Variants in DENND11 observed in about 807,000 individuals in gnomAD.
DENND11 encodes DENN domain-containing protein 11.
Under a neutral mutation model 49.2 loss-of-function variants are expected in DENND11, and 34 were observed. The ratio of observed to expected loss-of-function variants is 0.69; its 90% CI spans 0.53 to 0.92. The LOEUF is 0.92. Among genes scored for constraint, DENND11 ranks in the 40% least tolerant of loss-of-function variants. The probability of loss-of-function intolerance (pLI) is 0.00; values close to 1 mark genes in which losing one functional copy is unlikely to be tolerated. For missense variants in DENND11, 475 were observed against 581.6 expected (o/e 0.82, Z 1.88); for synonymous variants, 238 against 230.3 (o/e 1.03, Z -0.30).
rs1396241459 is a variant in DENND11 at position 141,658,151 on chromosome 7, TTTCC to T, written c.*4501_*4504del. Reference sequence around the variant, plus strand: ...TTCTTCTAGAATAATAGTTTTAAAATTTCCTTCCATTTCAGTATATGCATACTCA... The same window carrying T: ...TTCTTCTAGAATAATAGTTTTAAAATTTCCATTTCAGTATATGCATACTCA... On this transcript the variant is annotated 3_prime_UTR_variant, in exon 9 of 9. Transcript: ENST00000536163. The T allele has an allele frequency of 1.3e-5, 2 of 152,208 alleles. No homozygotes were observed. Among genetic ancestry groups the T allele is most frequent in the African/African-American group, 4.8e-5 (2 of 41,450 alleles). The allele number at this position is 152,208 out of a possible 1,614,324, so 9.4% of individuals were successfully genotyped here.
At chr7:141,673,553 CAG>C (rs949485412) in intron 4 of DENND11, among the ~76,000 whole-genome samples, 1 of 152,164 alleles carries the variant, frequency 6.6e-6, no homozygotes, top group African/African-American at 2.4e-5. Flanking sequence ...CCACAGGAGA[CAG>C]AGAGGGAAGA....
rs62641749 is a variant in DENND11 at position 141,665,041 on chromosome 7, C to A, written c.966G>T (p.Lys322Asn). ...EVSYVACTTE[K>N]IFEEKRELYD... Reference sequence around the variant, plus strand: ...ACAGCTCCCGCTTCTCCTCGAATATCTTCTCTGTGGTGCCTGTGGAACCCG... The same window carrying A: ...ACAGCTCCCGCTTCTCCTCGAATATATTCTCTGTGGTGCCTGTGGAACCCG... Residue 322 changes from lysine (K) to asparagine (N), a missense_variant, in exon 7 of 9, where the codon AAG becomes AAT. Transcript: ENST00000536163. 3,021 of 1,613,882 alleles carry A rather than the reference C, an allele frequency of 1.9e-3. 4 individuals are homozygous for A. The highest frequency in any genetic ancestry group is 2.5e-3 in the Non-Finnish European group (2,891 of 1,179,798).
At position 141,661,209 on chromosome 7, in the gene DENND11, G is replaced by A. The variant is rs751502607; in HGVS notation, c.*1447C>T. On this transcript the variant is annotated 3_prime_UTR_variant, in exon 9 of 9. Transcript: ENST00000536163. ...TGCACTGACGGCTATTCCCATAACC[G>A]AGCCAGGCGGGAAGGGGGAAAAGGA... 1.3e-5 allele frequency: 2 copies of A among 152,110 alleles called. No homozygotes were observed. Among genetic ancestry groups the A allele is most frequent in the Non-Finnish European group, 2.9e-5 (2 of 68,030 alleles). The allele number at this position is 152,110 out of a possible 1,614,324, so 9.4% of individuals were successfully genotyped here. A position where few individuals can be genotyped will look rare whatever the true frequency, so the allele number is the denominator to read the frequency against.
chr7:141,673,243 TA>T (rs1204503926), intron 4 of DENND11, among the ~76,000 whole-genome samples: 120 of 137,130 alleles, frequency 8.8e-4, no homozygotes, highest in South Asian at 3.1e-3. Flanking sequence ...AAACAAGGAA[TA>T]AAAAAAAAAA....
chr7:141,683,612 C>T (rs1288589563), intron 3 of DENND11, among the ~76,000 whole-genome samples: 1 of 152,208 alleles, frequency 6.6e-6, no homozygotes, highest in Non-Finnish European at 1.5e-5. Context: ...CACTGCCCTC[C>T]AGCCTGGGCG....
rs189124267 is a variant in DENND11, at chr7:141,690,068, T to C, written c.269-3410A>G. Among the ~76,000 whole-genome samples the C allele has an allele frequency of 1.1e-4, 17 of 152,344 alleles. No homozygotes were observed. In the East Asian group the frequency reaches 3.3e-3, roughly 29 times the overall value. ...TTCTCAGAATTCCCTTCTTTGTATGTTTCCAGCTGAGATTTGGAAGTGAAT... is the reference window on the plus strand; with the variant it reads ...TTCTCAGAATTCCCTTCTTTGTATGCTTCCAGCTGAGATTTGGAAGTGAAT... On this transcript the variant is annotated intron_variant, in intron 1 of 8. Transcript: ENST00000536163.
chr7:141,685,404 C>T, intron 3 of DENND11, 74 bp downstream of exon 3: 1 of 1,549,050 alleles, frequency 6.5e-7, no homozygotes, highest in Admixed American at 1.7e-5. Context: ...CAAATGCTGT[C>T]TCCGAGGGCT....
Position 141,656,913 on chromosome 7 carries a change from T to C in DENND11, c.*5743A>G, listed in dbSNP as rs920326155. ...AGCTTCAGGATTAACCCCAGCTTTCTTTAGGCCTTAAAATTACCACCACTG... is the reference window on the plus strand; with the variant it reads ...AGCTTCAGGATTAACCCCAGCTTTCCTTAGGCCTTAAAATTACCACCACTG... On this transcript the variant is annotated 3_prime_UTR_variant, in exon 9 of 9. Transcript: ENST00000536163. 1 of 153,066 alleles carries C rather than the reference T, an allele frequency of 6.5e-6. No homozygotes were observed. Among genetic ancestry groups the C allele is most frequent in the African/African-American group, 2.4e-5 (1 of 41,452 alleles). The allele number at this position is 153,066 out of a possible 1,614,324, so 9.5% of individuals were successfully genotyped here. A position where few individuals can be genotyped will look rare whatever the true frequency, so the allele number is the denominator to read the frequency against.
rs1797891434 is a variant in DENND11, at chr7:141,666,214, CA to C, written c.820+72del. On this transcript the variant is annotated intron_variant, in intron 5 of 8. Transcript: ENST00000536163. ...TGGCCCAAGCTCTTCCAAACTTGGT[CA>C]GTGACAGAAAGACTCAAGCAGTTTC... The C allele has an allele frequency of 1.8e-5, 27 of 1,472,662 alleles. No individual in the cohort carries two copies. The East Asian group carries it at 6.4e-4, about 35-fold the overall frequency. The allele number at this position is 1,472,662 out of a possible 1,614,324, so 91.2% of individuals were successfully genotyped here.
At position 141,674,169 on chromosome 7, in the gene DENND11, C is replaced by A; in HGVS notation, c.579G>T (p.Glu193Asp). 1 of 1,561,562 alleles carries A rather than the reference C, an allele frequency of 6.4e-7. No individual in the cohort carries two copies. The highest frequency in any genetic ancestry group is 1.4e-5 in the African/African-American group (1 of 73,268). Residue 193 changes from glutamate to aspartate, a missense_variant, in exon 4 of 9, where the codon GAG becomes GAT. Coordinates refer to ENST00000536163, the MANE Select transcript of DENND11 (RefSeq NM_001080392.2). The stretch of plus-strand genomic sequence containing the variant: ...CAGCATGGAGCACCCCCTTTTTGTC[C>A]TCATAGAAGGCAGCCAGATGAGAGT... Reference protein sequence around the residue: ...GHYSHLAAFYEDKKGVLHAGP... With the variant: ...GHYSHLAAFYDDKKGVLHAGP...
chr7:141,690,000 A>G (rs1798301935), intron 1 of DENND11, among the ~76,000 whole-genome samples: 1 of 152,202 alleles, frequency 6.6e-6, no homozygotes, highest in Non-Finnish European at 1.5e-5. Flanking sequence ...AAATAGCGTA[A>G]AGTGGCATTG....
rs36080710 is a variant in DENND11 at position 141,687,631 on chromosome 7, A to ATTT, written c.269-976_269-974dup. On this transcript the variant is annotated intron_variant, in intron 1 of 8. Transcript: ENST00000536163. ...AGGCGCATACCAGCACACTCGGCTA[A>ATTT]TTTTTTTTTTTTTTTTTTTTGAGAC... Among the ~76,000 whole-genome samples the ATTT allele has an allele frequency of 1.8e-3, 198 of 112,790 alleles. 7 individuals carry two copies. In the East Asian group the frequency reaches 0.02, roughly 11 times the overall value. The allele number at this position is 112,790 out of a possible 152,430, so 74.0% of individuals were successfully genotyped here.
At chr7:141,662,919 A>T (rs150925766) in intron 8 of DENND11, 68 bp from the exon 9 acceptor site, 1 of 1,215,174 alleles carries the variant, frequency 8.2e-7, no homozygotes, top group South Asian at 1.7e-5. Context: ...GATAATCCAC[A>T]TATGGGGAAC....
chr7:141,662,891 G>GCGA, intron 8 of DENND11, 40 bp from the exon 9 acceptor site: 1 of 1,431,104 alleles, frequency 7.0e-7, no homozygotes, highest in South Asian at 1.5e-5. Context: ...GAAGCGGGGG[G>GCGA]GAATAAAAAG....
intron 4 of DENND11, among the ~76,000 whole-genome samples, chr7:141,670,747 G>C (rs899585870): frequency 6.6e-6 from 1 of 152,214 alleles, no homozygotes; most frequent in African/African-American, 2.4e-5. Flanking sequence ...AGGACTGTTG[G>C]CTGGGTTGCC....
chr7:141,684,783 A>T (rs1486863678), intron 3 of DENND11, among the ~76,000 whole-genome samples: 1 of 152,028 alleles, frequency 6.6e-6, no homozygotes, highest in Non-Finnish European at 1.5e-5. Context: ...TTCAGGGATT[A>T]GGGATAAATT....
chr7:141,669,656 G>T (rs1273617280), intron 4 of DENND11, among the ~76,000 whole-genome samples: 4 of 150,248 alleles, frequency 2.7e-5, no homozygotes, highest in Non-Finnish European at 5.9e-5. Context: ...AAAGCTTAAA[G>T]ATATATATAT....
At chr7:141,678,381 G>A (rs1798100704) in intron 3 of DENND11, among the ~76,000 whole-genome samples, 1 of 152,118 alleles carries the variant, frequency 6.6e-6, no homozygotes, top group Admixed American at 6.5e-5. Context: ...ATGTCTGGCT[G>A]GTGAGATCAT....
In DENND11 at chr7:141,697,473, T is replaced by C. The variant is rs77180490; in HGVS notation, c.268+4413A>G. Reference sequence around the variant, plus strand: ...GAAATACAGGGGAAGGATGGCGACATGACAGAGTTTCTCTTCCTGCGAGAC... The same window carrying C: ...GAAATACAGGGGAAGGATGGCGACACGACAGAGTTTCTCTTCCTGCGAGAC... On this transcript the variant is annotated intron_variant, in intron 1 of 8. Coordinates refer to ENST00000536163, the MANE Select transcript of DENND11 (RefSeq NM_001080392.2). Among the ~76,000 whole-genome samples the C allele has an allele frequency of 1.3e-4, 20 of 152,322 alleles. 1 individual carries two copies. In the East Asian group the frequency reaches 3.1e-3, roughly 24 times the overall value.
Sources: gnomAD v4.1 joint callset for allele counts (sites outside exome capture counted in the v4.1 genomes callset) on GRCh38, gnomAD v4.1.1 for gene constraint, MANE v1.5 for transcripts, NCBI Gene and HGNC (gene_info 2026-07-23, HGNC 2026-07-21) for gene names.